The following RORA variants were observed in gnomAD, a reference collection of about 807,000 sequenced individuals.
The protein encoded by RORA is RAR related orphan receptor A, also known as nuclear receptor ROR-alpha.
In RORA, 7 loss-of-function variants were observed where a neutral mutation model predicts 69.5. The observed-to-expected ratio is 0.10, with a 90% CI of 0.06 to 0.19. RORA has a LOEUF of 0.19. RORA is among the 10% of genes least tolerant of loss of function. RORA has a pLI of 1.00. For synonymous variants in RORA, 261 were observed against 240.8 expected (o/e 1.08, Z -0.78); for missense variants, 457 against 663.0 (o/e 0.69, Z 3.41).
At chr15:61,170,465 A>G (rs1011966559) in intron 1 of RORA, among the ~76,000 whole-genome samples, 2 of 152,080 alleles carry the variant, frequency 1.3e-5, no homozygotes, top group African/African-American at 2.4e-5. Context: ...AGGACCTGTA[A>G]TTACACTGAG....
intron 1 of RORA, among the ~76,000 whole-genome samples, chr15:61,015,188 C>G (rs1895238119): frequency 6.6e-6 from 1 of 152,172 alleles, no homozygotes; most frequent in Non-Finnish European, 1.5e-5. Context: ...TACCGGATGC[C>G]TTCCCACCTG....
chr15:60,710,827 G>A (rs1436191504), intron 1 of RORA, among the ~76,000 whole-genome samples: 1 of 151,870 alleles, frequency 6.6e-6, no homozygotes, highest in South Asian at 2.1e-4. Context: ...AAGAGGGAGG[G>A]AGGGCCCCGC....
chr15:60,725,629 T>C (rs187740143), intron 1 of RORA, among the ~76,000 whole-genome samples: 55 of 152,366 alleles, frequency 3.6e-4, no homozygotes, highest in African/African-American at 1.3e-3. Context: ...TTGACCTTAG[T>C]CACCCTGCTG....
At chr15:60,611,734 C>A (rs948150829) in intron 2 of RORA, among the ~76,000 whole-genome samples, 1 of 151,964 alleles carries the variant, frequency 6.6e-6, no homozygotes, top group African/African-American at 2.4e-5. Context: ...TGGAGAGACC[C>A]GCCTTTCTGG....
intron 2 of RORA, among the ~76,000 whole-genome samples, chr15:60,615,491 A>G (rs1254130901): frequency 6.6e-6 from 1 of 152,148 alleles, no homozygotes; most frequent in East Asian, 1.9e-4. Context: ...CTAAGCAGGT[A>G]ACTCTGTACC....
At chr15:60,726,039 C>A (rs1016619030) in intron 1 of RORA, among the ~76,000 whole-genome samples, 2 of 152,094 alleles carry the variant, frequency 1.3e-5, no homozygotes, top group African/African-American at 4.8e-5. Context: ...GATTTACACA[C>A]CTGATTTCAC....
At chr15:60,642,229 T>G (rs1224145011) in intron 2 of RORA, among the ~76,000 whole-genome samples, 1 of 148,630 alleles carries the variant, frequency 6.7e-6, no homozygotes. Context: ...AGAAACCAAG[T>G]GAGGAGAAAA....
chr15:60,724,956 T>C (rs1325845488), intron 1 of RORA, among the ~76,000 whole-genome samples: 1 of 152,190 alleles, frequency 6.6e-6, no homozygotes, highest in Non-Finnish European at 1.5e-5. Flanking sequence ...CTGCCTATGT[T>C]TGGTGAGTTC....
chr15:61,170,122 A>C (rs2079572700), intron 1 of RORA, among the ~76,000 whole-genome samples: 1 of 152,164 alleles, frequency 6.6e-6, no homozygotes, highest in African/African-American at 2.4e-5. Flanking sequence ...GTTGAGTCAT[A>C]AGACTTCCTG....
intron 1 of RORA, among the ~76,000 whole-genome samples, chr15:61,003,735 A>C (rs1894819892): frequency 1.3e-5 from 2 of 152,318 alleles, no homozygotes; most frequent in African/African-American, 4.8e-5. Context: ...AGACAGAAGA[A>C]ATTATCTTTA....
intron 1 of RORA, among the ~76,000 whole-genome samples, chr15:61,183,736 A>G (rs2079711766): frequency 6.6e-6 from 1 of 152,166 alleles, no homozygotes; most frequent in Admixed American, 6.5e-5. Flanking sequence ...TTTAATGACA[A>G]AGACCAGGGA....
chr15:60,972,162 A>C (rs1212851501), intron 1 of RORA, among the ~76,000 whole-genome samples: 1 of 152,246 alleles, frequency 6.6e-6, no homozygotes, highest in Non-Finnish European at 1.5e-5. Flanking sequence ...AGCCAGTCAG[A>C]TCAATTGAAT....
chr15:60,880,123 T>C (rs937780970), intron 1 of RORA, among the ~76,000 whole-genome samples: 2 of 152,234 alleles, frequency 1.3e-5, no homozygotes, highest in African/African-American at 4.8e-5. Flanking sequence ...TTCTTTCTTC[T>C]GACCAATCAC....
intron 1 of RORA, among the ~76,000 whole-genome samples, chr15:60,786,214 T>A (rs2072332134): frequency 6.6e-6 from 1 of 152,194 alleles, no homozygotes; most frequent in Non-Finnish European, 1.5e-5. Flanking sequence ...GATAGGATGT[T>A]CTACCTTGGA....
chr15:60,785,596 C>T (rs573867605), intron 1 of RORA, among the ~76,000 whole-genome samples: 14 of 152,294 alleles, frequency 9.2e-5, no homozygotes, highest in African/African-American at 3.1e-4. Context: ...CTCGTCTGTC[C>T]CTCCAGCTAG....
intron 6 of RORA, 104 bp from the exon 7 acceptor site, chr15:60,503,771 G>A (rs998422257): frequency 2.9e-6 from 4 of 1,397,042 alleles, no homozygotes; most frequent in Non-Finnish European, 3.9e-6. Flanking sequence ...TTTAGCCCTG[G>A]GCCACGAAGA....
At chr15:60,924,957 T>C (rs907844803) in intron 1 of RORA, among the ~76,000 whole-genome samples, 1 of 152,046 alleles carries the variant, frequency 6.6e-6, no homozygotes, top group African/African-American at 2.4e-5. Context: ...CACATGCCTG[T>C]AGTTCCAGCT....
chr15:60,672,252 G>C lies in RORA; in HGVS notation c.196+6405C>G, dbSNP rs543482747. ...TAGTTGTAAGGTAAAAGGAAACCTTGGTCAATTGTAAGAATGACTATGTTG... is the reference window on the plus strand; with the variant it reads ...TAGTTGTAAGGTAAAAGGAAACCTTCGTCAATTGTAAGAATGACTATGTTG... On this transcript the variant is annotated intron_variant, in intron 2 of 10. Transcript: ENST00000335670. Among the ~76,000 whole-genome samples the C allele has an allele frequency of 2.6e-5, 4 of 152,224 alleles. No homozygotes were observed. In the South Asian group the frequency reaches 8.3e-4, roughly 32 times the overall value.
Position 61,061,410 on chromosome 15 carries a change from G to A in RORA, c.166+167643C>T, listed in dbSNP as rs1441491190. On this transcript the variant is annotated intron_variant, in intron 1 of 10. Coordinates refer to ENST00000335670, the MANE Select transcript of RORA (RefSeq NM_134261.3). This position sits in a 1 kb window ranked among gnomAD's most constrained non-coding sequence, Gnocchi z 4.4. ...ATAAATAAATAAATACAAGGGCATC[G>A]CAGGAAGTCCTGATGTCAAGGTAAT... Among the ~76,000 whole-genome samples the A allele has an allele frequency of 3.6e-5, 5 of 139,956 alleles. No individual in the cohort carries two copies. The highest frequency in any genetic ancestry group is 2.0e-4 in the East Asian group (1 of 4,952). The allele number at this position is 139,956 out of a possible 152,430, so 91.8% of individuals were successfully genotyped here.
Sources: gnomAD v4.1 joint callset for allele counts (sites outside exome capture counted in the v4.1 genomes callset) on GRCh38, gnomAD v4.1.1 for gene constraint, Gnocchi (gnomAD v3.1) non-coding constraint, MANE v1.5 for transcripts, NCBI Gene and HGNC (gene_info 2026-07-23, HGNC 2026-07-21) for gene names.